RO60: variants seen among roughly 807,000 people sequenced by gnomAD.
RO60 encodes the protein Ro60, Y RNA binding protein.
A neutral mutation model predicts 55.3 loss-of-function variants in RO60; 20 were observed. The observed-to-expected ratio is 0.36, with a 90% CI of 0.25 to 0.53. The LOEUF (loss-of-function observed/expected upper bound fraction) is 0.53. RO60 is among the 20% of genes least tolerant of loss of function. The pLI, the probability that RO60 is intolerant of heterozygous loss-of-function variation, is 0.92. For missense variants in RO60, 558 were observed against 646.6 expected (o/e 0.86, Z 1.49); for synonymous variants, 213 against 213.6 (o/e 1.00, Z 0.02).
At chr1:193,077,139 AATC>A in intron 5 of RO60, 89 bp downstream of exon 5, 1 of 1,289,820 alleles carries the variant, frequency 7.8e-7, no homozygotes, top group Non-Finnish European at 1.0e-6. Context: ...TTAATAGTTT[AATC>A]ATTTTTTAAT....
Position 193,082,312 on chromosome 1 carries a change from G to T in RO60, c.1317+13G>T. On this transcript the variant is annotated intron_variant, in intron 7 of 8. Coordinates refer to ENST00000400968, the MANE Select transcript of RO60 (RefSeq NM_001173524.2). ...GGCTATGAGTCAGGTAAGAAACTGT[G>T]TTTTTTAAGTTTACTTAGTTAAGTT... 6.5e-7 allele frequency: 1 copy of T among 1,545,572 alleles called. No homozygotes were observed. The highest frequency in any genetic ancestry group is 1.2e-5 in the South Asian group (1 of 85,074).
In RO60 at chr1:193,087,839, AAC is replaced by A. The variant is rs2103086120; in HGVS notation, c.*3110_*3111del. On this transcript the variant is annotated 3_prime_UTR_variant, in exon 9 of 9. Coordinates refer to ENST00000400968, the MANE Select transcript of RO60 (RefSeq NM_001173524.2). The stretch of plus-strand genomic sequence containing the variant: ...GAAAAATAGCTCACTCAATAGGCCT[AAC>A]AGTGTTTTAAAACATTCCTGTTCAG... 1 of 152,262 alleles carries A rather than the reference AAC, an allele frequency of 6.6e-6. No homozygotes were observed. The highest frequency in any genetic ancestry group is 6.5e-5 in the Admixed American group (1 of 15,302). 9.4% of individuals were successfully genotyped at this position (152,262 alleles called of 1,614,324 possible). A position where few individuals can be genotyped will look rare whatever the true frequency, so the allele number is the denominator to read the frequency against.
intron 2 of RO60, among the ~76,000 whole-genome samples, chr1:193,071,341 T>C (rs1304003184): frequency 6.6e-6 from 1 of 152,236 alleles, no homozygotes; most frequent in Non-Finnish European, 1.5e-5. Flanking sequence ...CCTAAACATA[T>C]ATTACTGTGT....
At position 193,089,915 on chromosome 1, in the gene RO60, C is replaced by T. The variant is rs570744729; in HGVS notation, c.*5184C>T. On this transcript the variant is annotated 3_prime_UTR_variant, in exon 9 of 9. Transcript: ENST00000400968. ...CCATTTCCCAGGTTCAAGCAATTCT[C>T]CTGCCTCAGCCTCCCAAGTAGCTGG... 6.6e-6 allele frequency: 1 copy of T among 151,888 alleles called. No homozygotes were observed. The highest frequency in any genetic ancestry group is 6.6e-5 in the Admixed American group (1 of 15,250). 9.4% of individuals were successfully genotyped at this position (151,888 alleles called of 1,614,324 possible).
intron 6 of RO60, 135 bp downstream of exon 6, chr1:193,081,615 A>G: frequency 1.8e-6 from 1 of 566,252 alleles, no homozygotes; most frequent in South Asian, 2.4e-5. Context: ...TTAATTTTAT[A>G]TTTAAAGATA....
At position 193,069,504 on chromosome 1, in the gene RO60, G is replaced by T; in HGVS notation, c.450G>T (p.Lys150Asn). ...KCGMWGRALR[K>N]AIADWYNEKG... ...GCATGTGGGGTCGTGCCCTCCGGAA[G>T]GCTATAGCGGACTGGTACAATGAGA... Residue 150 changes from lysine to asparagine, a missense_variant, in exon 2 of 9, where the codon AAG becomes AAT. Transcript: ENST00000400968. 3 of 1,614,196 alleles carry T rather than the reference G, an allele frequency of 1.9e-6. No individual in the cohort carries two copies. Among genetic ancestry groups the T allele is most frequent in the Non-Finnish European group, 2.5e-6 (3 of 1,180,036 alleles).
intron 5 of RO60, among the ~76,000 whole-genome samples, chr1:193,078,101 A>C (rs1456428112): frequency 6.6e-6 from 1 of 152,222 alleles, no homozygotes; most frequent in Non-Finnish European, 1.5e-5. Context: ...AGTACAACAT[A>C]TGACAACCAA....
chr1:193,063,408 A>G (rs1352074873), intron 1 of RO60, among the ~76,000 whole-genome samples: 1 of 151,868 alleles, frequency 6.6e-6, no homozygotes. Flanking sequence ...TACTTGGGTT[A>G]TTTATCATTT....
chr1:193,063,001 T>C (rs978694694), intron 1 of RO60, among the ~76,000 whole-genome samples: 2 of 152,214 alleles, frequency 1.3e-5, no homozygotes, highest in Non-Finnish European at 2.9e-5. Flanking sequence ...AACATCTGGA[T>C]ACAACTTTTG....
chr1:193,059,622 G>T lies in RO60; in HGVS notation c.-176G>T. The T allele has an allele frequency of 7.1e-7, 1 of 1,413,026 alleles. No individual in the cohort carries two copies. Among genetic ancestry groups the T allele is most frequent in the East Asian group, 3.9e-5 (1 of 25,738 alleles). The allele number at this position is 1,413,026 out of a possible 1,614,324, so 87.5% of individuals were successfully genotyped here. On this transcript the variant is annotated 5_prime_UTR_variant, in exon 1 of 9. Transcript: ENST00000400968. The surrounding 1 kb of genome is among the most constrained non-coding windows in gnomAD (Gnocchi z 4.9). ...AAGAAGAGGGGCAGGACTCGTTCCC[G>T]GGAACCGAACCTGGAATCCCCGGCG...
intron 5 of RO60, among the ~76,000 whole-genome samples, chr1:193,079,835 A>G (rs1314362508): frequency 6.6e-6 from 1 of 151,952 alleles, no homozygotes; most frequent in African/African-American, 2.4e-5. Flanking sequence ...AGTAATAAAA[A>G]CATGAAAAGG....
At chr1:193,081,910 G>A (rs1283783963) in intron 6 of RO60, among the ~76,000 whole-genome samples, 2 of 152,050 alleles carry the variant, frequency 1.3e-5, no homozygotes, top group Non-Finnish European at 2.9e-5. Flanking sequence ...TGAATAGTAG[G>A]CAAACTTTTT....
chr1:193,085,181 A>G lies in RO60; in HGVS notation c.*450A>G. 8.2e-7 allele frequency: 1 copy of G among 1,223,778 alleles called. No individual in the cohort carries two copies. Among genetic ancestry groups the G allele is most frequent in the Non-Finnish European group, 1.0e-6 (1 of 979,108 alleles). 75.8% of individuals were successfully genotyped at this position (1,223,778 alleles called of 1,614,324 possible). On this transcript the variant is annotated 3_prime_UTR_variant, in exon 9 of 9. Coordinates refer to ENST00000400968, the MANE Select transcript of RO60 (RefSeq NM_001173524.2). ...CTAGACCATATAACTGTGATGAAAT[A>G]TGAAACTCATCTGTAAACTTTTATA...
chr1:193,070,720 TAGA>T (rs1156801461), intron 2 of RO60: 3 of 257,574 alleles, frequency 1.2e-5, no homozygotes, highest in African/African-American at 4.5e-5. Context: ...TAACATGTAG[TAGA>T]AGTACACTTT....
At chr1:193,069,004 A>T in intron 1 of RO60, 30 bp from the exon 2 acceptor site, 3 of 1,429,106 alleles carry the variant, frequency 2.1e-6, no homozygotes, top group African/African-American at 1.4e-5. Context: ...GTGCCCATCT[A>T]GTTGTAATAA....
chr1:193,091,640 C>G, downstream of RO60: 2 of 1,608,198 alleles, frequency 1.2e-6, no homozygotes, highest in Non-Finnish European at 1.7e-6. Context: ...AATCCTTTCT[C>G]TCCTTTCTAG....
rs1558255305 is a variant in RO60 at position 193,084,767 on chromosome 1, A to G, written c.*36A>G. 6.3e-7 allele frequency: 1 copy of G among 1,593,706 alleles called. No homozygotes were observed. The highest frequency in any genetic ancestry group is 8.5e-7 in the Non-Finnish European group (1 of 1,171,532). The stretch of plus-strand genomic sequence containing the variant: ...CAGCACGATCCAGAGATCCATTGCC[A>G]TCAGTGATCTCACTAAAAATATACA... On this transcript the variant is annotated 3_prime_UTR_variant, in exon 9 of 9. Coordinates refer to ENST00000400968, the MANE Select transcript of RO60 (RefSeq NM_001173524.2).
intron 7 of RO60, 77 bp downstream of exon 7, chr1:193,082,376 A>T: frequency 7.3e-7 from 1 of 1,363,414 alleles, no homozygotes; most frequent in East Asian, 2.3e-5. Flanking sequence ...GATGTCATGT[A>T]TGGTATTAAT....
At position 193,059,860 on chromosome 1, in the gene RO60, C is replaced by T; in HGVS notation, c.-22+84C>T. 1 of 1,363,830 alleles carries T rather than the reference C, an allele frequency of 7.3e-7. No homozygotes were observed. Among genetic ancestry groups the T allele is most frequent in the South Asian group, 1.1e-5 (1 of 87,450 alleles). 84.5% of individuals were successfully genotyped at this position (1,363,830 alleles called of 1,614,324 possible). ...ATTCTGACCAGTCCTCCATGTCTCT[C>T]ACCCGCATCCCAGGGGTTGAGGCTG... On this transcript the variant is annotated intron_variant, in intron 1 of 8. Transcript: ENST00000400968. The surrounding 1 kb of genome is among the most constrained non-coding windows in gnomAD (Gnocchi z 4.9).
Sources: allele counts gnomAD v4.1 joint callset (sites outside exome capture counted in the v4.1 genomes callset), GRCh38; gene constraint gnomAD v4.1.1; non-coding constraint Gnocchi (gnomAD v3.1); transcripts MANE v1.5; gene names NCBI Gene and HGNC (gene_info 2026-07-23, HGNC 2026-07-21).